RBP2: variants seen among roughly 807,000 people sequenced by gnomAD.
RBP2 encodes retinol-binding protein 2.
RBP2 carries 17 observed loss-of-function variants against 17.0 expected under a neutral mutation model. That is an observed-to-expected ratio of 1.00 (90% CI 0.68 to 1.50). RBP2 has a LOEUF of 1.50. Among genes scored for constraint, RBP2 ranks in the 40% most tolerant of loss-of-function variants. The pLI, the probability that RBP2 is intolerant of heterozygous loss-of-function variation, is 0.00. For missense variants in RBP2, 158 were observed against 168.2 expected (o/e 0.94, Z 0.33); for synonymous variants, 48 against 57.1 (o/e 0.84, Z 0.72).
At chr3:139,472,146 A>G (rs1409404256) in intron 1 of RBP2, among the ~76,000 whole-genome samples, 2 of 152,260 alleles carry the variant, frequency 1.3e-5, no homozygotes, top group East Asian at 3.9e-4. Flanking sequence ...CCCCACCAAG[A>G]AGTACTCAGG....
At chr3:139,463,020 G>A (rs143431115) in intron 1 of RBP2, among the ~76,000 whole-genome samples, 2,098 of 151,602 alleles carry the variant, frequency 0.014, 59 homozygotes, top group African/African-American at 0.048. Flanking sequence ...TTTTTGTAGA[G>A]ATGGGGTTTC....
chr3:139,461,987 C>T, intron 2 of RBP2, 125 bp downstream of exon 2: 3 of 986,924 alleles, frequency 3.0e-6, no homozygotes, highest in South Asian at 1.7e-5. Flanking sequence ...TGATTAAGGC[C>T]ATCCTGGTCC....
intron 1 of RBP2, among the ~76,000 whole-genome samples, chr3:139,471,883 G>A (rs1933581689): frequency 6.6e-6 from 1 of 152,170 alleles, no homozygotes; most frequent in African/African-American, 2.4e-5. Flanking sequence ...CTGTTAGAGT[G>A]AGCATTGATA....
chr3:139,475,542 C>T (rs936864770), intron 1 of RBP2, among the ~76,000 whole-genome samples: 1 of 152,116 alleles, frequency 6.6e-6, no homozygotes, highest in African/African-American at 2.4e-5. Flanking sequence ...CCGTTTCTCT[C>T]ATTCTGCATG....
At position 139,460,559 on chromosome 3, in the gene RBP2, G is replaced by A. The variant is rs116629779; in HGVS notation, c.252+1553C>T. Among the ~76,000 whole-genome samples the A allele has an allele frequency of 4.4e-3, 677 of 152,262 alleles. 7 individuals carry two copies. The highest frequency in any genetic ancestry group is 0.016 in the African/African-American group (659 of 41,542). ...TAACAGCTTTTCCTCCCCACCCCAG[G>A]AGAGGAGTCAGAGCTTGTGCCCATT... On this transcript the variant is annotated intron_variant, in intron 2 of 3. Coordinates refer to ENST00000232217, the MANE Select transcript of RBP2 (RefSeq NM_004164.3).
rs74440868 is a variant in RBP2 at position 139,469,143 on chromosome 3, G to A, written c.74-6853C>T. Among the ~76,000 whole-genome samples the A allele has an allele frequency of 9.8e-4, 149 of 152,326 alleles. 1 individual carries two copies. Among genetic ancestry groups the A allele is most frequent in the Non-Finnish European group, 1.7e-3 (118 of 68,026 alleles). On this transcript the variant is annotated intron_variant, in intron 1 of 3. Transcript: ENST00000232217. ...ATATGAAATCTGAGAACCATTCAAA[G>A]TGCAGCTTTGATGGGCTTCAAATTT...
At chr3:139,464,995 T>G (rs578017374) in intron 1 of RBP2, among the ~76,000 whole-genome samples, 2 of 152,356 alleles carry the variant, frequency 1.3e-5, no homozygotes, top group East Asian at 3.9e-4. Flanking sequence ...CTACTTACTG[T>G]TAAAGTGCCT....
intron 1 of RBP2, among the ~76,000 whole-genome samples, chr3:139,469,259 C>T (rs1933468166): frequency 6.6e-6 from 1 of 152,180 alleles, no homozygotes; most frequent in African/African-American, 2.4e-5. Context: ...CATGCCACTT[C>T]CTCCTCCAGA....
intron 1 of RBP2, among the ~76,000 whole-genome samples, chr3:139,472,977 C>T (rs1168417793): frequency 6.6e-6 from 1 of 152,120 alleles, no homozygotes; most frequent in Non-Finnish European, 1.5e-5. Flanking sequence ...GAACTCTCTC[C>T]CAGTATTCTT....
intron 1 of RBP2, 67 bp from the exon 2 acceptor site, chr3:139,462,357 A>C: frequency 6.6e-7 from 1 of 1,504,176 alleles, no homozygotes; most frequent in Non-Finnish European, 9.2e-7. Context: ...CGTTAACAAG[A>C]CCAAACATTC....
At chr3:139,475,885 A>G (rs537251491) in intron 1 of RBP2, among the ~76,000 whole-genome samples, 25 of 152,330 alleles carry the variant, frequency 1.6e-4, no homozygotes, top group African/African-American at 6.0e-4. Context: ...TGTTTGTGCT[A>G]TCTGACAACA....
intron 1 of RBP2, among the ~76,000 whole-genome samples, chr3:139,462,866 C>T (rs1452126695): frequency 6.6e-6 from 1 of 152,182 alleles, no homozygotes; most frequent in African/African-American, 2.4e-5. Flanking sequence ...CAGGGTCTCA[C>T]TCTGTCGCCC....
At chr3:139,468,599 G>C (rs1430524707) in intron 1 of RBP2, among the ~76,000 whole-genome samples, 1 of 152,016 alleles carries the variant, frequency 6.6e-6, no homozygotes, top group East Asian at 1.9e-4. Flanking sequence ...ATGTTCTGTT[G>C]GTGGACTCAT....
intron 1 of RBP2, among the ~76,000 whole-genome samples, chr3:139,465,705 G>C (rs989314072): frequency 1.3e-5 from 2 of 152,172 alleles, no homozygotes; most frequent in African/African-American, 4.8e-5. Context: ...AGCCCTCCCT[G>C]TTTGAGGCAG....
intron 1 of RBP2, among the ~76,000 whole-genome samples, chr3:139,467,707 G>A (rs908178574): frequency 1.3e-5 from 2 of 152,166 alleles, no homozygotes; most frequent in Non-Finnish European, 2.9e-5. Flanking sequence ...TTATCTGTTT[G>A]GGTCAAGTAG....
At chr3:139,470,925 G>C (rs371026212) in intron 1 of RBP2, among the ~76,000 whole-genome samples, 4 of 152,028 alleles carry the variant, frequency 2.6e-5, no homozygotes, top group African/African-American at 9.6e-5. Context: ...TGCACTTGCT[G>C]TCCCCTGTGT....
intron 1 of RBP2, among the ~76,000 whole-genome samples, chr3:139,473,497 G>A (rs1488506999): frequency 1.3e-5 from 2 of 152,162 alleles, no homozygotes; most frequent in Non-Finnish European, 2.9e-5. Context: ...TCTTAGATAG[G>A]GAATAGGCAC....
At chr3:139,464,514 C>T (rs73868220) in intron 1 of RBP2, among the ~76,000 whole-genome samples, 3,170 of 152,090 alleles carry the variant, frequency 0.021, 89 homozygotes, top group African/African-American at 0.068. Context: ...AAGGAGAGGC[C>T]GAGTTGAACC....
At chr3:139,454,608 A>AT in intron 3 of RBP2, 121 bp downstream of exon 3, 1 of 845,042 alleles carries the variant, frequency 1.2e-6, no homozygotes, top group Middle Eastern at 2.3e-4. Context: ...GACCACATGC[A>AT]TTTGGCTGGA....
Sources: gnomAD v4.1 joint callset for allele counts (sites outside exome capture counted in the v4.1 genomes callset) on GRCh38, gnomAD v4.1.1 for gene constraint, MANE v1.5 for transcripts, NCBI Gene and HGNC (gene_info 2026-07-23, HGNC 2026-07-21) for gene names.